The following TOPBP1 variants were observed in gnomAD, a reference collection of about 807,000 sequenced individuals.
TOPBP1 encodes the protein DNA topoisomerase II binding protein 1, also known as DNA topoisomerase 2-binding protein 1.
Under a neutral mutation model 167.7 loss-of-function variants are expected in TOPBP1, and 28 were observed. The observed-to-expected ratio is 0.17, with a 90% CI of 0.12 to 0.23. The LOEUF (loss-of-function observed/expected upper bound fraction) is 0.23, where lower values mean the gene tolerates loss of function less well. Ranked by LOEUF, TOPBP1 falls within the 10% of genes least tolerant of loss-of-function variation. TOPBP1 has a pLI of 1.00. For synonymous variants in TOPBP1, 598 were observed against 611.4 expected (o/e 0.98, Z 0.32); for missense variants, 1,554 against 1,809.6 (o/e 0.86, Z 2.56).
chr3:133,653,472 C>T lies in TOPBP1; in HGVS notation c.795G>A (p.Gln265=). 1 of 1,612,882 alleles carries T rather than the reference C, an allele frequency of 6.2e-7. No individual in the cohort carries two copies. Among genetic ancestry groups the T allele is most frequent in the Non-Finnish European group, 8.5e-7 (1 of 1,179,542 alleles). ...KRWNVHCVTT[Q]WFFDSIEKGF... is the part of the protein sequence containing the mutation. ...CTTTCTCAATACTGTCAAAAAACCA[C>T]TGTGTGGTCACACAGTGTACATTCC... Residue 265 remains glutamine (Q), a synonymous_variant, in exon 7 of 28, where the codon CAG becomes CAA. Coordinates refer to ENST00000260810, the MANE Select transcript of TOPBP1 (RefSeq NM_007027.4).
intron 16 of TOPBP1, among the ~76,000 whole-genome samples, chr3:133,625,563 C>G (rs916417851): frequency 2.0e-5 from 3 of 152,116 alleles, no homozygotes; most frequent in Admixed American, 2.0e-4. Flanking sequence ...GAAACCACAT[C>G]TCTTCTAAAA....
chr3:133,645,973 C>A (rs1405058587), intron 10 of TOPBP1, among the ~76,000 whole-genome samples: 1 of 151,962 alleles, frequency 6.6e-6, no homozygotes, highest in Non-Finnish European at 1.5e-5. Context: ...ATGGAGAAAC[C>A]CCATCTCTAC....
At chr3:133,625,857 A>T (rs1051246582) in intron 16 of TOPBP1, among the ~76,000 whole-genome samples, 2 of 152,178 alleles carry the variant, frequency 1.3e-5, no homozygotes, top group Non-Finnish European at 2.9e-5. Flanking sequence ...CACCTTGCCT[A>T]ATTTGTTAGT....
rs201768751 is a variant in TOPBP1 at position 133,624,101 on chromosome 3, G to T, written c.2879C>A (p.Ser960Tyr). The T allele has an allele frequency of 1.7e-4, 268 of 1,613,758 alleles. No individual in the cohort carries two copies. The highest frequency in any genetic ancestry group is 8.3e-4 in the Middle Eastern group (5 of 6,060). ...RPNDTNREYK[S>Y]VKERGVHIVS... ...AATGTGTACTCCTCTTTCTTTTACA[G>T]ATTTATACTCCCGATTAGTGTCATT... The change falls in exon 17 of 28, where the codon TCT becomes TAT. Residue 960 changes from serine (S) to tyrosine (Y), a missense_variant. Physicochemically the swap from Ser to Tyr is moderately radical, Grantham distance 144 (BLOSUM62 -2). Around this residue, in one of 3 missense-constraint regions of TOPBP1, gnomAD observed 1,197 missense variants for 1,351.5 expected, o/e 0.89. Transcript: ENST00000260810.
In TOPBP1 at chr3:133,628,605, G is replaced by A. The variant is rs371949572; in HGVS notation, c.2649C>T (p.Val883=). Reference sequence around the variant, plus strand: ...TCAGTTGAGGGCTGGCAGAAAGAGCGACAGCATTTCGAGAGCTATTTGCCA... The same window carrying A: ...TCAGTTGAGGGCTGGCAGAAAGAGCAACAGCATTTCGAGAGCTATTTGCCA... The part of the protein sequence containing the change: ...LALANSSRNA[V]ALSASPQLKE... Residue 883 remains valine (V), a synonymous_variant, in exon 15 of 28, where the codon GTC becomes GTT. Transcript: ENST00000260810. 294 of 1,610,514 alleles carry A rather than the reference G, an allele frequency of 1.8e-4. 1 individual carries two copies. Among genetic ancestry groups the A allele is most frequent in the Non-Finnish European group, 2.4e-4 (282 of 1,178,434 alleles).
At position 133,653,256 on chromosome 3, in the gene TOPBP1, C is replaced by G; in HGVS notation, c.922+89G>C. 4.1e-6 allele frequency: 5 copies of G among 1,223,562 alleles called. No homozygotes were observed. In the South Asian group the frequency reaches 9.9e-5, roughly 24 times the overall value. 75.8% of individuals were successfully genotyped at this position (1,223,562 alleles called of 1,614,324 possible). ...CACAGCAAACAAGAAAAAGAAATTC[C>G]CTATCTCAGTGATCCTATTAACATA... On this transcript the variant is annotated intron_variant, in intron 7 of 27. Coordinates refer to ENST00000260810, the MANE Select transcript of TOPBP1 (RefSeq NM_007027.4).
intron 27 of TOPBP1, among the ~76,000 whole-genome samples, chr3:133,607,067 G>T (rs765801068): frequency 3.9e-5 from 6 of 152,086 alleles, no homozygotes; most frequent in Non-Finnish European, 5.9e-5. Flanking sequence ...CTACCGCATG[G>T]CTAAAAATCA....
At position 133,601,384 on chromosome 3, in the gene TOPBP1, G is replaced by A. The variant is rs1399274756; in HGVS notation, c.4435C>T (p.Pro1479Ser). 9.8e-6 allele frequency: 15 copies of A among 1,530,948 alleles called. No homozygotes were observed. The highest frequency in any genetic ancestry group is 1.2e-5 in the Non-Finnish European group (14 of 1,138,462). The allele number at this position is 1,530,948 out of a possible 1,614,324, so 94.8% of individuals were successfully genotyped here. A position where few individuals can be genotyped will look rare whatever the true frequency, so the allele number is the denominator to read the frequency against. ...IADYLMQESP[P>S]HVENYCLPEA... ...GGTAGACAGTAATTTTCTACATGAGGAGGTGATTCCTATAAAAGGAAAAAT... is the reference window on the plus strand; with the variant it reads ...GGTAGACAGTAATTTTCTACATGAGAAGGTGATTCCTATAAAAGGAAAAAT... Residue 1479 changes from proline (P) to serine (S), a missense_variant, in exon 28 of 28, where the codon CCT (proline) becomes TCT (serine). Physicochemically the swap from Pro to Ser is moderately conservative, Grantham distance 74. Transcript: ENST00000260810.
intron 23 of TOPBP1, 123 bp downstream of exon 23, chr3:133,616,691 C>T (rs1209726607): frequency 3.7e-6 from 2 of 543,470 alleles, no homozygotes; most frequent in African/African-American, 2.0e-5. Flanking sequence ...TAGCCTTAGA[C>T]AAGTTACCCA....
At chr3:133,625,803 T>C (rs899909526) in intron 16 of TOPBP1, among the ~76,000 whole-genome samples, 10 of 152,260 alleles carry the variant, frequency 6.6e-5, no homozygotes, top group Admixed American at 5.2e-4. Flanking sequence ...TAAAAATCTC[T>C]ATTTCCTACT....
At chr3:133,643,910 A>C in intron 11 of TOPBP1, 110 bp downstream of exon 11, 1 of 1,149,310 alleles carries the variant, frequency 8.7e-7, no homozygotes, top group South Asian at 1.7e-5. Flanking sequence ...AAGAGTGTTC[A>C]AGTCCAAGCA....
At chr3:133,618,088 A>C in intron 21 of TOPBP1, 125 bp downstream of exon 21, 1 of 783,406 alleles carries the variant, frequency 1.3e-6, no homozygotes, top group Non-Finnish European at 2.0e-6. Context: ...CAAAACCAGA[A>C]ATATCTACGA....
chr3:133,643,058 A>T, intron 12 of TOPBP1, 142 bp downstream of exon 12: 1 of 676,896 alleles, frequency 1.5e-6, no homozygotes, highest in Non-Finnish European at 2.2e-6. Flanking sequence ...CAAGTGAAGC[A>T]GTGGGAGTGG....
chr3:133,643,503 C>T (rs1045999965), intron 11 of TOPBP1, 131 bp from the exon 12 acceptor site: 7 of 663,050 alleles, frequency 1.1e-5, no homozygotes, highest in East Asian at 2.9e-5. Flanking sequence ...CTTGTGTATG[C>T]TCATTCTCAA....
chr3:133,637,642 C>T (rs1021691072), intron 14 of TOPBP1, among the ~76,000 whole-genome samples: 4 of 152,146 alleles, frequency 2.6e-5, no homozygotes, highest in Admixed American at 2.6e-4. Context: ...AGTTCAAGAT[C>T]GATCCAGTAC....
intron 20 of TOPBP1, among the ~76,000 whole-genome samples, chr3:133,619,503 G>GT (rs1352001717): frequency 1.3e-5 from 2 of 152,040 alleles, no homozygotes; most frequent in Non-Finnish European, 1.5e-5. Context: ...CTGAGCTTAA[G>GT]TCACATCACA....
Position 133,624,179 on chromosome 3 carries a change from A to T in TOPBP1, c.2805-4T>A. On this transcript the variant is annotated splice_polypyrimidine_tract_variant and splice_region_variant and intron_variant, in intron 16 of 27. Coordinates refer to ENST00000260810, the MANE Select transcript of TOPBP1 (RefSeq NM_007027.4). ...CACTGTTTCATCAAAACTCCACCTG[A>T]AATAACCAATACAAAAAAACAAATA... 6.2e-7 allele frequency: 1 copy of T among 1,611,704 alleles called. No individual in the cohort carries two copies. Among genetic ancestry groups the T allele is most frequent in the South Asian group, 1.1e-5 (1 of 90,610 alleles).
Position 133,603,192 on chromosome 3 carries a change from G to A in TOPBP1, c.4426-1799C>T, listed in dbSNP as rs145453594. Among the ~76,000 whole-genome samples, 256 of 152,174 alleles carry A rather than the reference G, an allele frequency of 1.7e-3. 1 individual carries two copies. Among genetic ancestry groups the A allele is most frequent in the African/African-American group, 5.7e-3 (237 of 41,522 alleles). On this transcript the variant is annotated intron_variant, in intron 27 of 27. Coordinates refer to ENST00000260810, the MANE Select transcript of TOPBP1 (RefSeq NM_007027.4). The stretch of plus-strand genomic sequence containing the variant: ...ATTACAGGCGTGAGCCACCATGCCC[G>A]GCCTCAGGAAGTAATTTGTAATCTA...
In TOPBP1 at chr3:133,653,337, A is replaced by G; in HGVS notation, c.922+8T>C. The G allele has an allele frequency of 6.3e-7, 1 of 1,576,768 alleles. No homozygotes were observed. Among genetic ancestry groups the G allele is most frequent in the Non-Finnish European group, 8.6e-7 (1 of 1,165,764 alleles). On this transcript the variant is annotated splice_region_variant and intron_variant, in intron 7 of 27. Transcript: ENST00000260810. Reference sequence around the variant, plus strand: ...CAGAATAATTATTTTAATCTCAATGAGACTCACTATCAATTGTGTTGATCT... The same window carrying G: ...CAGAATAATTATTTTAATCTCAATGGGACTCACTATCAATTGTGTTGATCT...
Sources: gnomAD v4.1 joint callset for allele counts (sites outside exome capture counted in the v4.1 genomes callset) on GRCh38, gnomAD v4.1.1 for gene constraint, gnomAD v4.1.1 regional missense constraint, MANE v1.5 for transcripts, NCBI Gene and HGNC (gene_info 2026-07-23, HGNC 2026-07-21) for gene names.